The following CTNNA2 variants were observed in gnomAD, a reference collection of about 807,000 sequenced individuals.
CTNNA2 encodes the protein catenin alpha-2.
In CTNNA2, 42 loss-of-function variants were observed where a neutral mutation model predicts 101.0. The observed-to-expected ratio is 0.42, with a 90% CI of 0.32 to 0.54. CTNNA2 has a LOEUF of 0.54. Ranked by LOEUF, CTNNA2 falls within the 20% of genes least tolerant of loss-of-function variation. The pLI is 0.14. For synonymous variants in CTNNA2, 450 were observed against 456.4 expected (o/e 0.99, Z 0.18); for missense variants, 871 against 1,223.1 (o/e 0.71, Z 4.29).
At position 80,604,511 on chromosome 2, in the gene CTNNA2, A is replaced by G. The variant is rs80285191; in HGVS notation, c.2295+332A>G. ...AACTATACTGCATAATGAAGGGGGG[A>G]AAAGCAGGTTTTTAAATTTTCATTG... On this transcript the variant is annotated intron_variant, in intron 16 of 18. Coordinates refer to ENST00000402739, the MANE Select transcript of CTNNA2 (RefSeq NM_001282597.3). 8.0e-3 allele frequency among the ~76,000 whole-genome samples: 1,219 copies of G among 152,032 alleles called. 17 individuals are homozygous for G. The highest frequency in any genetic ancestry group is 0.028 in the African/African-American group (1,145 of 41,518).
intron 2 of CTNNA2, among the ~76,000 whole-genome samples, chr2:79,223,844 G>T (rs1674376168): frequency 6.6e-6 from 1 of 152,136 alleles, no homozygotes; most frequent in South Asian, 2.1e-4. Flanking sequence ...CATGAGAATT[G>T]TTAGGAGAAC....
intron 2 of CTNNA2, among the ~76,000 whole-genome samples, chr2:79,728,288 T>C (rs1294887162): frequency 1.3e-5 from 2 of 152,208 alleles, no homozygotes; most frequent in Non-Finnish European, 2.9e-5. Context: ...TGTGAGATGG[T>C]ATCTCATTGT....
chr2:80,197,887 A>G (rs1488562739), intron 7 of CTNNA2, among the ~76,000 whole-genome samples: 1 of 152,134 alleles, frequency 6.6e-6, no homozygotes, highest in Non-Finnish European at 1.5e-5. Flanking sequence ...GGTAGCTACT[A>G]CCTAAATTAT....
intron 7 of CTNNA2, among the ~76,000 whole-genome samples, chr2:79,987,624 AAT>A (rs1301177244): frequency 6.6e-6 from 1 of 152,252 alleles, no homozygotes; most frequent in East Asian, 1.9e-4. Context: ...AATTTAAGAC[AAT>A]AAATGATAGA....
intron 9 of CTNNA2, among the ~76,000 whole-genome samples, chr2:80,517,584 G>GTA (rs1689201120): frequency 6.6e-6 from 1 of 152,316 alleles, no homozygotes; most frequent in Admixed American, 6.5e-5. Flanking sequence ...TTGTGTAACT[G>GTA]TATACCTTTT....
intron 2 of CTNNA2, among the ~76,000 whole-genome samples, chr2:79,686,669 A>G (rs150246146): frequency 1.7e-4 from 26 of 152,284 alleles, no homozygotes; most frequent in African/African-American, 6.0e-4. Context: ...CAAACAAATG[A>G]TGGAAGACAT....
intron 4 of CTNNA2, among the ~76,000 whole-genome samples, chr2:79,392,761 C>A (rs1157764819): frequency 6.6e-6 from 1 of 152,178 alleles, no homozygotes; most frequent in Non-Finnish European, 1.5e-5. Context: ...TGTTGACTTA[C>A]ATTTCCAACC....
chr2:79,834,310 C>T (rs1230643263), intron 3 of CTNNA2, among the ~76,000 whole-genome samples: 1 of 151,594 alleles, frequency 6.6e-6, no homozygotes. Context: ...TAGTTGTATT[C>T]TCTAGTAGTG....
At chr2:79,977,161 CAATA>C (rs1276771428) in intron 7 of CTNNA2, among the ~76,000 whole-genome samples, 3 of 150,786 alleles carry the variant, frequency 2.0e-5, no homozygotes, top group Non-Finnish European at 4.4e-5. Context: ...TTATGTGAAT[CAATA>C]AATGCATGAG....
intron 2 of CTNNA2, among the ~76,000 whole-genome samples, chr2:79,291,992 A>G (rs969407818): frequency 3.9e-5 from 6 of 151,970 alleles, no homozygotes; most frequent in Non-Finnish European, 7.4e-5. Context: ...TCAGATACCC[A>G]GGGCTTTTGG....
At chr2:79,472,624 T>C (rs1671011805) in intron 4 of CTNNA2, among the ~76,000 whole-genome samples, 1 of 152,164 alleles carries the variant, frequency 6.6e-6, no homozygotes, top group African/African-American at 2.4e-5. Flanking sequence ...TCTGCAGGGG[T>C]GGTTTGGTAA....
chr2:79,204,323 T>C (rs547066158), intron 2 of CTNNA2, among the ~76,000 whole-genome samples: 8 of 152,236 alleles, frequency 5.3e-5, no homozygotes, highest in Non-Finnish European at 7.3e-5. Context: ...TCTTTTGTTA[T>C]GCTCTGGCAA....
chr2:79,779,421 G>A (rs139543377), intron 3 of CTNNA2, among the ~76,000 whole-genome samples: 1 of 152,148 alleles, frequency 6.6e-6, no homozygotes, highest in African/African-American at 2.4e-5. Context: ...GGTGCGGATG[G>A]CCTGAGGTGA....
At chr2:80,414,645 CTG>C (rs1679879251) in intron 8 of CTNNA2, among the ~76,000 whole-genome samples, 2 of 152,188 alleles carry the variant, frequency 1.3e-5, no homozygotes, top group African/African-American at 2.4e-5. Flanking sequence ...GTTCTGGTCT[CTG>C]TTTCACCCAG....
intron 7 of CTNNA2, among the ~76,000 whole-genome samples, chr2:80,026,333 G>A (rs1050791310): frequency 2.6e-5 from 4 of 152,192 alleles, no homozygotes; most frequent in South Asian, 2.1e-4. Context: ...AGCATTCATC[G>A]ATCCAAGGAT....
intron 2 of CTNNA2, among the ~76,000 whole-genome samples, chr2:79,704,547 C>G (rs1573733973): frequency 7.1e-6 from 1 of 141,272 alleles, no homozygotes; most frequent in South Asian, 2.2e-4. Context: ...GAGTCTCGCT[C>G]TGTTCCCCAG....
intron 7 of CTNNA2, among the ~76,000 whole-genome samples, chr2:80,046,995 C>A (rs1696573391): frequency 6.6e-6 from 1 of 152,230 alleles, no homozygotes; most frequent in Middle Eastern, 3.4e-3. Flanking sequence ...CTGACCTCTA[C>A]CCTCTAGATG....
In CTNNA2 at chr2:79,922,642, C is replaced by CTT. The variant is rs35186079; in HGVS notation, c.1056+12860_1056+12861dup. Among the ~76,000 whole-genome samples the CTT allele has an allele frequency of 5.4e-3, 746 of 137,156 alleles. 6 individuals carry two copies. The highest frequency in any genetic ancestry group is 0.017 in the African/African-American group (626 of 37,468). The allele number at this position is 137,156 out of a possible 152,430, so 90.0% of individuals were successfully genotyped here. The stretch of plus-strand genomic sequence containing the variant: ...CCTTTAAAACCATATCAGTTTTTTA[C>CTT]TTTTTTTTTTTTTTTTAGTTCTTTC... On this transcript the variant is annotated intron_variant, in intron 7 of 18. Coordinates refer to ENST00000402739, the MANE Select transcript of CTNNA2 (RefSeq NM_001282597.3).
intron 3 of CTNNA2, among the ~76,000 whole-genome samples, chr2:79,373,633 G>A (rs1052585761): frequency 1.3e-5 from 2 of 148,418 alleles, no homozygotes; most frequent in Admixed American, 6.8e-5. Flanking sequence ...GGAGAGGAGG[G>A]AAACATACAC....
Sources: gnomAD v4.1 joint callset for allele counts (sites outside exome capture counted in the v4.1 genomes callset) on GRCh38, gnomAD v4.1.1 for gene constraint, MANE v1.5 for transcripts, NCBI Gene and HGNC (gene_info 2026-07-23, HGNC 2026-07-21) for gene names.